Variants in CYYR1 observed in about 807,000 individuals in gnomAD.
The protein encoded by CYYR1 is cysteine and tyrosine rich 1, also known as cysteine and tyrosine-rich protein 1.
In CYYR1, 14 loss-of-function variants were observed where a neutral mutation model predicts 15.2. The observed-to-expected ratio is 0.92, with a 90% CI of 0.61 to 1.44. The LOEUF is 1.44. CYYR1 is among the 40% of genes most tolerant of loss of function. The probability of loss-of-function intolerance (pLI) is 0.00; values close to 1 mark genes in which losing one functional copy is unlikely to be tolerated. For synonymous variants in CYYR1, 80 were observed against 77.4 expected, an observed-to-expected ratio of 1.03 and a Z score of -0.18; for missense variants, 228 against 209.5, an observed-to-expected ratio of 1.09 and a Z score of -0.54.
intron 2 of CYYR1, among the ~76,000 whole-genome samples, chr21:26,481,682 A>G (rs967782699): frequency 6.6e-6 from 1 of 152,020 alleles, no homozygotes; most frequent in Non-Finnish European, 1.5e-5. Context: ...CAGTGCTGCA[A>G]TGAACATTTG....
intron 2 of CYYR1, among the ~76,000 whole-genome samples, chr21:26,507,961 A>G (rs1288221310): frequency 6.6e-6 from 1 of 152,146 alleles, no homozygotes; most frequent in Non-Finnish European, 1.5e-5. Context: ...ACATACAGAG[A>G]GTTTTCTTGT....
intron 2 of CYYR1, chr21:26,550,914 G>A (rs1979338913): frequency 6.6e-6 from 1 of 152,374 alleles, no homozygotes; most frequent in Admixed American, 6.6e-5. Flanking sequence ...GAGTCCTATT[G>A]GAAGAAGACA....
At position 26,516,699 on chromosome 21, in the gene CYYR1, A is replaced by T. The variant is rs537385608; in HGVS notation, c.177-36270T>A. Among the ~76,000 whole-genome samples the T allele has an allele frequency of 3.9e-5, 6 of 152,352 alleles. No homozygotes were observed. The South Asian group carries it at 1.2e-3, about 32-fold the overall frequency. Reference sequence around the variant, plus strand: ...TGGAATGTTTGATATATTTTAAGGAATGTGTGATAATTGATTTGCTTCAAA... The same window carrying T: ...TGGAATGTTTGATATATTTTAAGGATTGTGTGATAATTGATTTGCTTCAAA... On this transcript the variant is annotated intron_variant, in intron 2 of 3. Coordinates refer to ENST00000652641, the MANE Select transcript of CYYR1 (RefSeq NM_001320768.2).
chr21:26,497,258 A>G (rs2065418587), intron 2 of CYYR1, among the ~76,000 whole-genome samples: 1 of 152,154 alleles, frequency 6.6e-6, no homozygotes, highest in African/African-American at 2.4e-5. Flanking sequence ...AGGGAACAAC[A>G]TCAATAACTT....
chr21:26,562,060 A>G (rs2046533959), intron 2 of CYYR1, among the ~76,000 whole-genome samples: 1 of 152,190 alleles, frequency 6.6e-6, no homozygotes, highest in Admixed American at 6.5e-5. Flanking sequence ...TTCATCACAG[A>G]TCTATCTTCC....
At chr21:26,564,816 A>C (rs1468262267) in intron 2 of CYYR1, 1 of 1,249,020 alleles carries the variant, frequency 8.0e-7, no homozygotes, top group Non-Finnish European at 1.0e-6. Flanking sequence ...TCTACCTGGG[A>C]CAGCAGCATC....
chr21:26,475,644 TCAGTTTTCTCTACC>T (rs1314104936), intron 3 of CYYR1, among the ~76,000 whole-genome samples: 1 of 152,152 alleles, frequency 6.6e-6, no homozygotes, highest in Admixed American at 6.6e-5. Flanking sequence ...CATGTCCACC[TCAGTTTTCTCTACC>T]CATTTTATAG....
At chr21:26,525,095 C>A (rs1159286808) in intron 2 of CYYR1, among the ~76,000 whole-genome samples, 1 of 152,168 alleles carries the variant, frequency 6.6e-6, no homozygotes, top group Non-Finnish European at 1.5e-5. Context: ...CTCTACAGAT[C>A]TAATTCTATG....
At chr21:26,552,978 A>G (rs2123690034) in intron 2 of CYYR1, among the ~76,000 whole-genome samples, 1 of 152,110 alleles carries the variant, frequency 6.6e-6, no homozygotes, top group African/African-American at 2.4e-5. Context: ...TTCCTTTATG[A>G]TATTCCATGT....
intron 2 of CYYR1, among the ~76,000 whole-genome samples, chr21:26,480,745 A>G (rs1569140529): frequency 6.6e-6 from 1 of 152,120 alleles, no homozygotes; most frequent in Non-Finnish European, 1.5e-5. Context: ...ATGCTCTCCA[A>G]AGTAATAATT....
rs1356940819 is a variant in CYYR1, at chr21:26,468,259, T to G, written c.*242A>C. 7 of 525,456 alleles carry G rather than the reference T, an allele frequency of 1.3e-5. No individual in the cohort carries two copies. Among genetic ancestry groups the G allele is most frequent in the Non-Finnish European group, 2.4e-5 (7 of 289,028 alleles). 32.5% of individuals were successfully genotyped at this position (525,456 alleles called of 1,614,324 possible). On this transcript the variant is annotated 3_prime_UTR_variant, in exon 4 of 4. Coordinates refer to ENST00000652641, the MANE Select transcript of CYYR1 (RefSeq NM_001320768.2). ...TTACATTACTCTTCCCTGAATGTGC[T>G]TAGGTGGATCAGCAGATCTCTTAAA... is the stretch of plus-strand genomic sequence containing the variant.
intron 2 of CYYR1, among the ~76,000 whole-genome samples, chr21:26,480,705 T>C (rs1489402762): frequency 6.6e-6 from 1 of 152,164 alleles, no homozygotes; most frequent in Non-Finnish European, 1.5e-5. Flanking sequence ...TTAAAATTCA[T>C]GTTTTGATAC....
At chr21:26,548,619 G>A (rs369116966) in intron 2 of CYYR1, among the ~76,000 whole-genome samples, 161 of 152,298 alleles carry the variant, frequency 1.1e-3, no homozygotes, top group South Asian at 6.8e-3. Flanking sequence ...AAAGTGCTGG[G>A]ATCACAGGCA....
At chr21:26,475,512 A>G (rs188197098) in intron 3 of CYYR1, among the ~76,000 whole-genome samples, 2 of 152,178 alleles carry the variant, frequency 1.3e-5, no homozygotes, top group East Asian at 1.9e-4. Flanking sequence ...AATCCCTTCT[A>G]TCTTCTGTAT....
chr21:26,484,472 T>G (rs562347520), intron 2 of CYYR1, among the ~76,000 whole-genome samples: 9 of 152,254 alleles, frequency 5.9e-5, no homozygotes, highest in African/African-American at 1.9e-4. Flanking sequence ...GTGAGACATA[T>G]TTGGATGTGT....
At chr21:26,506,263 C>T (rs535501162) in intron 2 of CYYR1, among the ~76,000 whole-genome samples, 17 of 152,298 alleles carry the variant, frequency 1.1e-4, no homozygotes, top group African/African-American at 3.8e-4. Flanking sequence ...GGTCACCACG[C>T]CTCTAGCCTA....
At chr21:26,547,791 T>C (rs1450252533) in intron 2 of CYYR1, among the ~76,000 whole-genome samples, 4 of 152,110 alleles carry the variant, frequency 2.6e-5, no homozygotes, top group Non-Finnish European at 4.4e-5. Context: ...TTTTTTTTTT[T>C]TTCTTTTTTT....
chr21:26,569,891 C>T lies in CYYR1; in HGVS notation c.73+2977G>A, dbSNP rs564825277. On this transcript the variant is annotated intron_variant, in intron 1 of 3. Coordinates refer to ENST00000652641, the MANE Select transcript of CYYR1 (RefSeq NM_001320768.2). ...GTTGTAGCCAAGAAGCTGGATTATA[C>T]CTGCAGCAAACATCTGGATCATGTT... is the stretch of plus-strand genomic sequence containing the variant. 2.0e-3 allele frequency among the ~76,000 whole-genome samples: 308 copies of T among 152,282 alleles called. 1 individual carries two copies. The highest frequency in any genetic ancestry group is 7.0e-3 in the African/African-American group (289 of 41,558).
chr21:26,554,113 A>G (rs1465791811), intron 2 of CYYR1, among the ~76,000 whole-genome samples: 1 of 152,174 alleles, frequency 6.6e-6, no homozygotes, highest in Non-Finnish European at 1.5e-5. Flanking sequence ...GCTGATTAAC[A>G]CAATTTTTTA....
Sources: allele counts gnomAD v4.1 joint callset (sites outside exome capture counted in the v4.1 genomes callset), GRCh38; gene constraint gnomAD v4.1.1; transcripts MANE v1.5; gene names NCBI Gene and HGNC (gene_info 2026-07-23, HGNC 2026-07-21).